The following TNKS variants were observed in gnomAD, a reference collection of about 807,000 sequenced individuals.
The protein encoded by TNKS is tankyrase, also known as poly [ADP-ribose] polymerase tankyrase-1.
TNKS carries 72 observed loss-of-function variants against 135.8 expected under a neutral mutation model. That is an observed-to-expected ratio of 0.53 (90% confidence interval 0.44 to 0.64). The LOEUF (loss-of-function observed/expected upper bound fraction) is 0.64. TNKS is among the 30% of genes least tolerant of loss of function. The pLI is 0.00. For synonymous variants in TNKS, 849 were observed against 649.3 expected (o/e 1.31, Z -4.68); for missense variants, 1,769 against 1,674.0 (o/e 1.06, Z -0.99).
chr8:9,670,435 A>G (rs1341316632), intron 3 of TNKS, among the ~76,000 whole-genome samples: 6 of 152,174 alleles, frequency 3.9e-5, no homozygotes, highest in African/African-American at 1.2e-4. Context: ...AGCTGTTTAT[A>G]TTAATTTTCT....
chr8:9,708,275 CATAAAATAATAAT>C (rs1212351308), intron 8 of TNKS, 83 bp from the exon 9 acceptor site: 9 of 1,121,220 alleles, frequency 8.0e-6, no homozygotes. Flanking sequence ...TAGAGAAATT[CATAAAATAATAAT>C]ATTCCTACTT....
chr8:9,628,720 G>T (rs1800164319), intron 3 of TNKS, among the ~76,000 whole-genome samples: 1 of 152,044 alleles, frequency 6.6e-6, no homozygotes, highest in Non-Finnish European at 1.5e-5. Context: ...CTACCTTCCA[G>T]TTTATAGCTC....
chr8:9,664,509 A>G (rs1309886182), intron 3 of TNKS, among the ~76,000 whole-genome samples: 2 of 152,196 alleles, frequency 1.3e-5, no homozygotes, highest in Non-Finnish European at 2.9e-5. Flanking sequence ...CAAACATTCA[A>G]ACTGTAGCAC....
chr8:9,569,288 T>A (rs1423475217), intron 1 of TNKS, among the ~76,000 whole-genome samples: 1 of 152,186 alleles, frequency 6.6e-6, no homozygotes, highest in Admixed American at 6.5e-5. Flanking sequence ...CACACACACA[T>A]CATAAGTGTA....
At chr8:9,762,565 A>G (rs893901447) in intron 21 of TNKS, among the ~76,000 whole-genome samples, 2 of 152,186 alleles carry the variant, frequency 1.3e-5, no homozygotes, top group Non-Finnish European at 2.9e-5. Flanking sequence ...AATTCAACAA[A>G]TATTTGTTGA....
chr8:9,640,010 C>T (rs1800664015), intron 3 of TNKS, among the ~76,000 whole-genome samples: 1 of 152,086 alleles, frequency 6.6e-6, no homozygotes, highest in Non-Finnish European at 1.5e-5. Context: ...AAATCTTTTC[C>T]ACTATGTGTG....
rs558161660 is a variant in TNKS, at chr8:9,672,074, G to T, written c.995-7877G>T. Among the ~76,000 whole-genome samples the T allele has an allele frequency of 1.1e-4, 17 of 152,322 alleles. No individual in the cohort carries two copies. In the South Asian group the frequency reaches 3.5e-3, roughly 32 times the overall value. ...TCAGCGTCCTGCTATTGCAGCACTT[G>T]TGTGCAAGTAATCCTTACTTTACCT... On this transcript the variant is annotated intron_variant, in intron 3 of 26. Transcript: ENST00000310430.
intron 3 of TNKS, among the ~76,000 whole-genome samples, chr8:9,663,146 C>T (rs923314624): frequency 2.0e-5 from 3 of 152,198 alleles, no homozygotes; most frequent in African/African-American, 7.2e-5. Context: ...AATGTGTTTT[C>T]CCCTAGAGGC....
chr8:9,766,483 CTTTTTTTT>C (rs61212620), intron 25 of TNKS, 58 bp downstream of exon 25: 7 of 890,732 alleles, frequency 7.9e-6, no homozygotes, highest in South Asian at 7.0e-5. Flanking sequence ...ACCAAATTGT[CTTTTTTTT>C]TTTTTTTTTT....
intron 2 of TNKS, among the ~76,000 whole-genome samples, chr8:9,610,455 G>A (rs886204552): frequency 3.3e-5 from 5 of 151,728 alleles, no homozygotes; most frequent in East Asian, 1.9e-4. Flanking sequence ...GTGCATAAAC[G>A]CAAGGATCTA....
intron 11 of TNKS, among the ~76,000 whole-genome samples, chr8:9,714,126 A>G (rs186392910): frequency 5.8e-4 from 89 of 152,330 alleles, no homozygotes; most frequent in Non-Finnish European, 1.1e-3. Context: ...TTTATAAGCC[A>G]AAACATTCTT....
intron 5 of TNKS, among the ~76,000 whole-genome samples, chr8:9,701,873 T>A (rs1268343389): frequency 6.6e-6 from 1 of 152,122 alleles, no homozygotes; most frequent in Non-Finnish European, 1.5e-5. Context: ...AGTGTTCAGA[T>A]AAGTACTGAG....
intron 1 of TNKS, among the ~76,000 whole-genome samples, chr8:9,576,576 C>G (rs1385105781): frequency 1.1e-4 from 17 of 150,430 alleles, no homozygotes; most frequent in African/African-American, 4.2e-4. Flanking sequence ...TTGCCACCTA[C>G]TTTTAAATCT....
chr8:9,611,281 G>T (rs551278443), intron 2 of TNKS, among the ~76,000 whole-genome samples: 10 of 152,310 alleles, frequency 6.6e-5, no homozygotes, highest in African/African-American at 2.4e-4. Flanking sequence ...AGGGGGCTTT[G>T]TGAATGGCCA....
chr8:9,692,961 C>T (rs1392732018), intron 5 of TNKS, among the ~76,000 whole-genome samples: 1 of 152,206 alleles, frequency 6.6e-6, no homozygotes, highest in Admixed American at 6.5e-5. Context: ...AAATATCACT[C>T]TCTCAAAGAG....
chr8:9,624,410 A>G (rs1799980998), intron 3 of TNKS, among the ~76,000 whole-genome samples: 1 of 152,228 alleles, frequency 6.6e-6, no homozygotes, highest in African/African-American at 2.4e-5. Flanking sequence ...GTTCTTCAAG[A>G]TTTTTATTAA....
At chr8:9,772,644 T>A (rs929707455) in intron 26 of TNKS, among the ~76,000 whole-genome samples, 3 of 152,074 alleles carry the variant, frequency 2.0e-5, no homozygotes, top group Non-Finnish European at 4.4e-5. Flanking sequence ...AATATGGACA[T>A]TAAATAAAAG....
In TNKS at chr8:9,563,008, G is replaced by C. The variant is rs1276142785; in HGVS notation, c.673+6396G>C. On this transcript the variant is annotated intron_variant, in intron 1 of 26. Coordinates refer to ENST00000310430, the MANE Select transcript of TNKS (RefSeq NM_003747.3). ...TCTCAAATTATACTTTTTATTATTC[G>C]TTCTTTTCTTTTTATGTATATTGAA... Among the ~76,000 whole-genome samples, 4 of 151,460 alleles carry C rather than the reference G, an allele frequency of 2.6e-5. No individual in the cohort carries two copies. In the East Asian group the frequency reaches 5.8e-4, roughly 22 times the overall value.
chr8:9,648,493 C>T (rs1801004204), intron 3 of TNKS, among the ~76,000 whole-genome samples: 1 of 152,128 alleles, frequency 6.6e-6, no homozygotes, highest in East Asian at 1.9e-4. Context: ...CACTGGCTTT[C>T]CCCTCCCCAT....
Sources: allele counts gnomAD v4.1 joint callset (sites outside exome capture counted in the v4.1 genomes callset), GRCh38; gene constraint gnomAD v4.1.1; transcripts MANE v1.5; gene names NCBI Gene and HGNC (gene_info 2026-07-23, HGNC 2026-07-21).